Variants in SMAD4 observed in about 807,000 individuals in gnomAD.
SMAD4 encodes the protein MAD homolog 4.
In SMAD4, 7 loss-of-function variants were observed where a neutral mutation model predicts 63.2. The observed-to-expected ratio is 0.11, with a 90% confidence interval of 0.06 to 0.21. SMAD4 has a LOEUF of 0.21. Among genes scored for constraint, SMAD4 ranks in the 10% least tolerant of loss-of-function variants. The pLI, the probability that SMAD4 is intolerant of heterozygous loss-of-function variation, is 1.00. For synonymous variants in SMAD4, 215 were observed against 235.4 expected (o/e 0.91, Z 0.79); for missense variants, 312 against 693.8 (o/e 0.45, Z 6.18).
chr18:51,065,198 T>C (rs934116913), intron 8 of SMAD4, among the ~76,000 whole-genome samples: 1 of 152,116 alleles, frequency 6.6e-6, no homozygotes, highest in East Asian at 1.9e-4. Context: ...AAAAAAAAAT[T>C]AGTGTTTTAA....
chr18:51,041,806 A>G (rs968103069), intron 1 of SMAD4, among the ~76,000 whole-genome samples: 1 of 152,208 alleles, frequency 6.6e-6, no homozygotes, highest in African/African-American at 2.4e-5. Flanking sequence ...AATGTGTATT[A>G]TATCCTAAGC....
chr18:51,033,234 G>T (rs1288892687), intron 1 of SMAD4, among the ~76,000 whole-genome samples: 1 of 138,132 alleles, frequency 7.2e-6, no homozygotes, highest in Non-Finnish European at 1.5e-5. Flanking sequence ...CTGTTGTCCA[G>T]GCTGGAGTGC....
At chr18:51,059,498 A>C (rs537145137) in intron 7 of SMAD4, among the ~76,000 whole-genome samples, 1 of 152,340 alleles carries the variant, frequency 6.6e-6, no homozygotes, top group Admixed American at 6.5e-5. Context: ...TAACATAAGC[A>C]CTTGTTTTTA....
intron 1 of SMAD4, among the ~76,000 whole-genome samples, chr18:51,039,174 A>G (rs1909298445): frequency 6.6e-6 from 1 of 152,252 alleles, no homozygotes; most frequent in Non-Finnish European, 1.5e-5. Context: ...TAAAGTAACT[A>G]TTTCTATGCA....
intron 1 of SMAD4, among the ~76,000 whole-genome samples, chr18:51,032,321 C>T (rs988887571): frequency 1.3e-5 from 2 of 152,078 alleles, no homozygotes; most frequent in African/African-American, 4.8e-5. Context: ...GTTTAGGTCA[C>T]TGCCTTCATT....
In SMAD4 at chr18:51,084,377, T is replaced by A; in HGVS notation, c.*5910T>A. Reference sequence around the variant, plus strand: ...TATTAACTTTATTCTTGGCTCTTTTTAGGTCCATTTTGATTAAGTGACTTT... The same window carrying A: ...TATTAACTTTATTCTTGGCTCTTTTAAGGTCCATTTTGATTAAGTGACTTT... On this transcript the variant is annotated 3_prime_UTR_variant, in exon 12 of 12. Transcript: ENST00000342988. 1 of 230,108 alleles carries A rather than the reference T, an allele frequency of 4.3e-6. No individual in the cohort carries two copies. Among genetic ancestry groups the A allele is most frequent in the Non-Finnish European group, 8.6e-6 (1 of 116,086 alleles). 14.3% of individuals were successfully genotyped at this position (230,108 alleles called of 1,614,324 possible).
In SMAD4 at chr18:51,033,118, A is replaced by T. The variant is rs182612650; in HGVS notation, c.-128+2495A>T. Among the ~76,000 whole-genome samples, 257 of 152,226 alleles carry T rather than the reference A, an allele frequency of 1.7e-3. 3 individuals are homozygous for T. Among genetic ancestry groups the T allele is most frequent in the Admixed American group, 2.9e-3 (44 of 15,272 alleles). ...CTGAGGTGACCATTAATCGCGTATA[A>T]AAGTAACCTGACTAAAATGTTTTCA... On this transcript the variant is annotated intron_variant, in intron 1 of 11. Transcript: ENST00000342988.
At chr18:51,037,052 C>CA (rs796707778) in intron 1 of SMAD4, among the ~76,000 whole-genome samples, 6 of 152,258 alleles carry the variant, frequency 3.9e-5, no homozygotes, top group African/African-American at 1.2e-4. Flanking sequence ...CCCAGCTACT[C>CA]ACATGCCTGT....
chr18:51,065,307 A>G lies in SMAD4; in HGVS notation c.956-116A>G, dbSNP rs535663804. On this transcript the variant is annotated intron_variant, in intron 8 of 11. Transcript: ENST00000342988. ...AATCCAGTTGTTTTGGGTGCATTAC[A>G]TTTCCATCTCCCCTCCCTTTACCCT... The G allele has an allele frequency of 3.6e-6, 3 of 839,632 alleles. No homozygotes were observed. The South Asian group carries it at 4.1e-5, about 11-fold the overall frequency. 52.0% of individuals were successfully genotyped at this position (839,632 alleles called of 1,614,324 possible).
At chr18:51,053,506 T>G (rs539527506) in intron 4 of SMAD4, 1 of 152,288 alleles carries the variant, frequency 6.6e-6, no homozygotes, top group Admixed American at 6.5e-5. Context: ...TCTTTTTGTT[T>G]CCATAAAATT....
chr18:51,031,762 G>A (rs1909058565), intron 1 of SMAD4, among the ~76,000 whole-genome samples: 1 of 150,536 alleles, frequency 6.6e-6, no homozygotes, highest in Non-Finnish European at 1.5e-5. Context: ...GCGTAATTTC[G>A]TAATTAGATT....
chr18:51,045,016 A>G (rs1054915475), intron 1 of SMAD4: 2 of 152,280 alleles, frequency 1.3e-5, no homozygotes, highest in South Asian at 4.1e-4. Context: ...TGTGAAAGAG[A>G]TAACAACAGA....
At chr18:51,072,620 T>A (rs1459505846) in intron 10 of SMAD4, among the ~76,000 whole-genome samples, 1 of 152,160 alleles carries the variant, frequency 6.6e-6, no homozygotes, top group Non-Finnish European at 1.5e-5. Context: ...CAAAGGAAAA[T>A]GGCAAAATTT....
intron 1 of SMAD4, among the ~76,000 whole-genome samples, chr18:51,036,749 A>C (rs1185403887): frequency 6.6e-6 from 1 of 152,234 alleles, no homozygotes; most frequent in Non-Finnish European, 1.5e-5. Flanking sequence ...TTTTAAAGGT[A>C]CAGCCCCACC....
chr18:51,069,212 G>A (rs1220770177), intron 10 of SMAD4, among the ~76,000 whole-genome samples: 1 of 152,174 alleles, frequency 6.6e-6, no homozygotes, highest in East Asian at 1.9e-4. Flanking sequence ...TGCTTCCAGG[G>A]TTTAAGTGAT....
rs1290503966 is a variant in SMAD4 at position 51,081,282 on chromosome 18, T to G, written c.*2815T>G. On this transcript the variant is annotated 3_prime_UTR_variant, in exon 12 of 12. Transcript: ENST00000342988. ...ATTTCAGTGCAAGCTGAATGAGAGA[T>G]GAGCCATGTACACCCACCGTAAGAC... is the stretch of plus-strand genomic sequence containing the variant. 1.3e-5 allele frequency: 3 copies of G among 227,456 alleles called. No individual in the cohort carries two copies. Among genetic ancestry groups the G allele is most frequent in the Non-Finnish European group, 2.6e-5 (3 of 114,522 alleles). The allele number at this position is 227,456 out of a possible 1,614,324, so 14.1% of individuals were successfully genotyped here. A position where few individuals can be genotyped will look rare whatever the true frequency, so the allele number is the denominator to read the frequency against.
chr18:51,031,752 G>C (rs934673845), intron 1 of SMAD4, among the ~76,000 whole-genome samples: 4 of 149,794 alleles, frequency 2.7e-5, no homozygotes, highest in African/African-American at 1.0e-4. Flanking sequence ...AAAAAAAAAT[G>C]CGTAATTTCG....
chr18:51,070,012 A>G (rs985191877), intron 10 of SMAD4, among the ~76,000 whole-genome samples: 8 of 152,144 alleles, frequency 5.3e-5, no homozygotes, highest in African/African-American at 1.7e-4. Flanking sequence ...GAGGATGACT[A>G]TTTTAAATAG....
intron 1 of SMAD4, among the ~76,000 whole-genome samples, chr18:51,031,375 T>C (rs1472438593): frequency 6.6e-6 from 1 of 152,238 alleles, no homozygotes; most frequent in Non-Finnish European, 1.5e-5. Context: ...GTTTATTTGC[T>C]GGTGCAGAGG....
Sources: gnomAD v4.1 joint callset for allele counts (sites outside exome capture counted in the v4.1 genomes callset) on GRCh38, gnomAD v4.1.1 for gene constraint, MANE v1.5 for transcripts, NCBI Gene and HGNC (gene_info 2026-07-23, HGNC 2026-07-21) for gene names.